Variants in MRAP2 observed in about 807,000 individuals in gnomAD.
The protein encoded by MRAP2 is melanocortin 2 receptor accessory protein 2.
MRAP2 carries 20 observed loss-of-function variants against 17.4 expected under a neutral mutation model. The observed-to-expected ratio is 1.15, with a 90% CI of 0.81 to 1.67. The LOEUF (loss-of-function observed/expected upper bound fraction) is 1.67. Ranked by LOEUF, MRAP2 falls within the 40% of genes most tolerant of loss-of-function variation. The probability of loss-of-function intolerance (pLI) is 0.00; values close to 1 mark genes in which losing one functional copy is unlikely to be tolerated. For synonymous variants in MRAP2, 96 were observed against 88.4 expected (o/e 1.09, Z -0.48); for missense variants, 238 against 240.0 (o/e 0.99, Z 0.05).
chr6:84,135,175 T>C, the MRAP2 span, among the ~76,000 whole-genome samples: 3 of 152,236 alleles, frequency 2.0e-5, no homozygotes, highest in Non-Finnish European at 4.4e-5. Flanking sequence ...TACTAATTAT[T>C]ATGTATTAAT....
At chr6:84,142,404 GTA>G in the MRAP2 span, among the ~76,000 whole-genome samples, 1 of 152,154 alleles carries the variant, frequency 6.6e-6, no homozygotes, top group Non-Finnish European at 1.5e-5. Context: ...ACATCTATGT[GTA>G]TGTGTGTGTG....
the MRAP2 span, chr6:84,125,200 A>T: frequency 6.2e-7 from 1 of 1,613,622 alleles, no homozygotes; most frequent in Non-Finnish European, 8.5e-7. Context: ...ACGATTCTTT[A>T]ACTGTGCCAG....
At chr6:84,045,503 C>T (rs2099488764) in intron 1 of MRAP2, among the ~76,000 whole-genome samples, 2 of 152,108 alleles carry the variant, frequency 1.3e-5, no homozygotes, top group African/African-American at 4.8e-5. Flanking sequence ...TGGCTTACAC[C>T]TGTGATTCTA....
At chr6:84,112,646 G>A in the MRAP2 span, among the ~76,000 whole-genome samples, 1 of 152,092 alleles carries the variant, frequency 6.6e-6, no homozygotes, top group African/African-American at 2.4e-5. Flanking sequence ...TCTTCTGCTA[G>A]CTTTTGAATA....
chr6:84,061,976 G>A, intron 2 of MRAP2: 1 of 985,370 alleles, frequency 1.0e-6, no homozygotes, highest in Non-Finnish European at 1.2e-6. Context: ...TAAAGCACAG[G>A]GAAAGGCAGA....
chr6:84,125,196 C>A, the MRAP2 span: 1 of 1,613,546 alleles, frequency 6.2e-7, no homozygotes, highest in African/African-American at 1.3e-5. Context: ...GCTCACGATT[C>A]TTTAACTGTG....
At chr6:84,072,965 C>A (rs1476364920) in intron 3 of MRAP2, among the ~76,000 whole-genome samples, 1 of 152,156 alleles carries the variant, frequency 6.6e-6, no homozygotes, top group Non-Finnish European at 1.5e-5. Context: ...AGGCAATGGG[C>A]AGCCAGACTT....
intron 3 of MRAP2, among the ~76,000 whole-genome samples, chr6:84,087,567 T>C (rs149686920): frequency 6.6e-6 from 1 of 152,336 alleles, no homozygotes; most frequent in African/African-American, 2.4e-5. Flanking sequence ...TTCTCAAATA[T>C]CTTTTAAACC....
intron 3 of MRAP2, among the ~76,000 whole-genome samples, chr6:84,075,602 A>C (rs1243191773): frequency 6.6e-6 from 1 of 152,182 alleles, no homozygotes; most frequent in African/African-American, 2.4e-5. Flanking sequence ...AATCTGCCAG[A>C]TAGAGAGTAA....
chr6:84,060,015 G>A (rs1337086956), intron 2 of MRAP2, among the ~76,000 whole-genome samples: 1 of 152,166 alleles, frequency 6.6e-6, no homozygotes, highest in Non-Finnish European at 1.5e-5. Flanking sequence ...GAGGCTCAGG[G>A]TGAGAAAATC....
At chr6:84,138,613 T>C in the MRAP2 span, among the ~76,000 whole-genome samples, 1 of 152,218 alleles carries the variant, frequency 6.6e-6, no homozygotes, top group South Asian at 2.1e-4. Context: ...AGTGCTTAGC[T>C]TTCTAGTAGT....
the MRAP2 span, among the ~76,000 whole-genome samples, chr6:84,114,843 G>T: frequency 1.3e-5 from 2 of 152,156 alleles, no homozygotes; most frequent in African/African-American, 2.4e-5. Context: ...ACTGCTGCAG[G>T]TCGCTGGAGT....
intron 3 of MRAP2, among the ~76,000 whole-genome samples, chr6:84,073,888 G>GTTTT (rs71549596): frequency 7.3e-6 from 1 of 137,874 alleles, no homozygotes; most frequent in Admixed American, 7.2e-5. Context: ...GTGTGTGTGT[G>GTTTT]TTTTTTTTTT....
At chr6:84,118,346 A>G in the MRAP2 span, among the ~76,000 whole-genome samples, 2 of 152,004 alleles carry the variant, frequency 1.3e-5, no homozygotes, top group Non-Finnish European at 2.9e-5. Flanking sequence ...CAGGCTGAAC[A>G]GCGCAGTCGT....
chr6:84,089,478 T>G lies in MRAP2; in HGVS notation c.615T>G (p.Asp205Glu). Residue 205 changes from aspartate to glutamate, a missense_variant, in exon 4 of 4, where the codon GAT becomes GAG. Asp to Glu is a conservative substitution (Grantham distance 45). Transcript: ENST00000257776. ...PLSQTSHKDL[D>E] Reference sequence around the variant, plus strand: ...CCCAGACCTCACACAAAGACCTGGATTGAGAAACATGCTCTGTAAAGGGTC... The same window carrying G: ...CCCAGACCTCACACAAAGACCTGGAGTGAGAAACATGCTCTGTAAAGGGTC... 6.2e-7 allele frequency: 1 copy of G among 1,611,412 alleles called. No homozygotes were observed. The highest frequency in any genetic ancestry group is 8.5e-7 in the Non-Finnish European group (1 of 1,178,542).
the MRAP2 span, among the ~76,000 whole-genome samples, chr6:84,134,070 C>A: frequency 2.0e-5 from 3 of 152,204 alleles, no homozygotes; most frequent in Admixed American, 2.0e-4. Context: ...GAGGAGGAAT[C>A]TAGAGAGGCA....
downstream of MRAP2, among the ~76,000 whole-genome samples, chr6:84,091,966 T>C (rs2099501845): frequency 6.6e-6 from 1 of 152,226 alleles, no homozygotes; most frequent in Non-Finnish European, 1.5e-5. Flanking sequence ...CTTCCAGTTC[T>C]AGAGTAGACA....
intron 1 of MRAP2, among the ~76,000 whole-genome samples, chr6:84,050,006 G>A (rs1294053229): frequency 1.3e-5 from 2 of 152,034 alleles, no homozygotes; most frequent in Admixed American, 1.3e-4. Flanking sequence ...GTACGTGCGT[G>A]TAATGTCTCT....
At chr6:84,094,410 T>G (rs1050385983), downstream of MRAP2, among the ~76,000 whole-genome samples, 1 of 152,194 alleles carries the variant, frequency 6.6e-6, no homozygotes, top group Non-Finnish European at 1.5e-5. Context: ...TTCTTTCCTC[T>G]TGCATTTTAC....
Sources: gnomAD v4.1 joint callset for allele counts (sites outside exome capture counted in the v4.1 genomes callset) on GRCh38, gnomAD v4.1.1 for gene constraint, MANE v1.5 for transcripts, NCBI Gene and HGNC (gene_info 2026-07-23, HGNC 2026-07-21) for gene names.